KLHL29: variants seen among roughly 807,000 people sequenced by gnomAD.
KLHL29 encodes kelch like family member 29, also known as kelch-like protein 29.
Under a neutral mutation model 80.4 loss-of-function variants are expected in KLHL29, and 21 were observed. That is an observed-to-expected ratio of 0.26 (90% confidence interval 0.19 to 0.38). The LOEUF is 0.38. Among genes scored for constraint, KLHL29 ranks in the 10% least tolerant of loss-of-function variants. KLHL29 has a pLI of 1.00. For synonymous variants in KLHL29, 511 were observed against 526.8 expected, an observed-to-expected ratio of 0.97 and a Z score of 0.41; for missense variants, 867 against 1,223.9, an observed-to-expected ratio of 0.71 and a Z score of 4.35.
chr2:23,397,454 G>C (rs780289723), intron 1 of KLHL29, among the ~76,000 whole-genome samples: 1 of 152,278 alleles, frequency 6.6e-6, no homozygotes, highest in Non-Finnish European at 1.5e-5. Context: ...TGACTGTGAA[G>C]TCACAATTTG....
At chr2:23,437,401 G>A (rs543870763) in intron 1 of KLHL29, among the ~76,000 whole-genome samples, 37 of 152,290 alleles carry the variant, frequency 2.4e-4, no homozygotes, top group African/African-American at 8.4e-4. Context: ...CATCCCTCTT[G>A]CTGGAGAGAC....
rs539253089 is a variant in KLHL29, at chr2:23,476,165, G to A, written c.-46+498G>A. ...GCTGCGATTGTAGGCGTGAGCCACC[G>A]TGCCCCATCAGAGAATCTCTGTGAC... On this transcript the variant is annotated intron_variant, in intron 2 of 13. Transcript: ENST00000486442. Among the ~76,000 whole-genome samples, 17 of 152,058 alleles carry A rather than the reference G, an allele frequency of 1.1e-4. No homozygotes were observed. The South Asian group carries it at 3.3e-3, about 30-fold the overall frequency.
intron 3 of KLHL29, among the ~76,000 whole-genome samples, chr2:23,632,462 C>T (rs915706517): frequency 2.6e-5 from 4 of 152,254 alleles, no homozygotes; most frequent in South Asian, 4.1e-4. Flanking sequence ...GACCTGGCAC[C>T]GTGAAGACCT....
intron 1 of KLHL29, among the ~76,000 whole-genome samples, chr2:23,471,477 C>T (rs760034951): frequency 2.0e-5 from 3 of 152,118 alleles, no homozygotes; most frequent in Non-Finnish European, 4.4e-5. Context: ...TGAAGCTCTC[C>T]AAGCATTTAA....
intron 1 of KLHL29, among the ~76,000 whole-genome samples, chr2:23,389,538 T>C (rs1027073967): frequency 1.3e-5 from 2 of 152,124 alleles, no homozygotes; most frequent in Non-Finnish European, 2.9e-5. Context: ...TTGTGCTGAA[T>C]GAGGATAAAC....
In KLHL29 at chr2:23,670,968, CTCTCTCTCTCT is replaced by C. The variant is rs1670716634; in HGVS notation, c.941-13430_941-13420del. On this transcript the variant is annotated intron_variant, in intron 5 of 13. Transcript: ENST00000486442. The stretch of plus-strand genomic sequence containing the variant: ...TCTCTCTCTCTCTCTCTCTCTCTCT[CTCTCTCTCTCT>C]CCCTCCCTCCCTCCCTCCCTCCCCC... 1.2e-3 allele frequency among the ~76,000 whole-genome samples: 29 copies of C among 24,436 alleles called. 2 individuals are homozygous for C. Among genetic ancestry groups the C allele is most frequent in the East Asian group, 5.3e-3 (1 of 188 alleles). 16.0% of individuals were successfully genotyped at this position (24,436 alleles called of 152,430 possible). A position where few individuals can be genotyped will look rare whatever the true frequency, so the allele number is the denominator to read the frequency against.
chr2:23,544,910 CTTTGGCTT>C (rs1666943159), intron 2 of KLHL29, among the ~76,000 whole-genome samples: 1 of 152,116 alleles, frequency 6.6e-6, no homozygotes, highest in Non-Finnish European at 1.5e-5. Flanking sequence ...AGAAGAAGGC[CTTTGGCTT>C]TTTCTTAGGG....
At chr2:23,587,159 G>A (rs928742346) in intron 3 of KLHL29, among the ~76,000 whole-genome samples, 5 of 151,954 alleles carry the variant, frequency 3.3e-5, no homozygotes, top group Non-Finnish European at 5.9e-5. Flanking sequence ...TCAGCGTGTC[G>A]AGAAGCTCTG....
At chr2:23,663,283 T>C (rs1044216892) in intron 5 of KLHL29, among the ~76,000 whole-genome samples, 6 of 152,186 alleles carry the variant, frequency 3.9e-5, no homozygotes, top group Non-Finnish European at 7.4e-5. Flanking sequence ...CTTGAGTTTA[T>C]TGGGGTTTCC....
intron 5 of KLHL29, among the ~76,000 whole-genome samples, chr2:23,676,731 T>C (rs1204355123): frequency 6.6e-6 from 1 of 152,008 alleles, no homozygotes; most frequent in African/African-American, 2.4e-5. Context: ...ACATTCAAAG[T>C]GAAGGAACAG....
intron 2 of KLHL29, among the ~76,000 whole-genome samples, chr2:23,483,214 C>G (rs1346402972): frequency 6.6e-6 from 1 of 152,138 alleles, no homozygotes; most frequent in Non-Finnish European, 1.5e-5. Context: ...TATTCAGCAA[C>G]TAGCTTAGTT....
At chr2:23,645,613 G>C (rs1418634041) in intron 5 of KLHL29, among the ~76,000 whole-genome samples, 1 of 152,170 alleles carries the variant, frequency 6.6e-6, no homozygotes, top group Non-Finnish European at 1.5e-5. Flanking sequence ...CCTCTCCCGG[G>C]GTTGAGTAAT....
At chr2:23,679,601 C>T (rs1192929515) in intron 5 of KLHL29, among the ~76,000 whole-genome samples, 3 of 142,722 alleles carry the variant, frequency 2.1e-5, no homozygotes, top group Non-Finnish European at 4.8e-5. Flanking sequence ...ATTTGCCATC[C>T]ATCACACCAG....
chr2:23,674,986 G>A (rs1439066742), intron 5 of KLHL29, among the ~76,000 whole-genome samples: 1 of 152,042 alleles, frequency 6.6e-6, no homozygotes, highest in Non-Finnish European at 1.5e-5. Flanking sequence ...TGACTCCCCT[G>A]GATGTTTAAT....
chr2:23,542,536 C>T (rs1666865304), intron 2 of KLHL29, among the ~76,000 whole-genome samples: 1 of 152,238 alleles, frequency 6.6e-6, no homozygotes, highest in South Asian at 2.1e-4. Flanking sequence ...TGCTGAGTCT[C>T]CTACTTTCTG....
intron 1 of KLHL29, among the ~76,000 whole-genome samples, chr2:23,413,719 A>G (rs1666920270): frequency 6.6e-6 from 1 of 152,140 alleles, no homozygotes; most frequent in South Asian, 2.1e-4. Flanking sequence ...TCATTTTCCC[A>G]TTTGTTCCCT....
At chr2:23,487,539 C>T (rs912349516) in intron 2 of KLHL29, among the ~76,000 whole-genome samples, 4 of 152,126 alleles carry the variant, frequency 2.6e-5, no homozygotes, top group Non-Finnish European at 5.9e-5. Context: ...GTTAGCTCTG[C>T]CAAGAGCTCC....
chr2:23,690,499 C>G lies in KLHL29; in HGVS notation c.1080-1175C>G, dbSNP rs3820934. The G allele has an allele frequency of 2.0e-5, 3 of 152,242 alleles. No homozygotes were observed. In the East Asian group the frequency reaches 5.8e-4, roughly 29 times the overall value. The allele number at this position is 152,242 out of a possible 1,614,324, so 9.4% of individuals were successfully genotyped here. ...CCCCACCGCCAGCCGCAGGTGCGCG[C>G]AAGGGACCCGTCACAAGCATCTTGC... On this transcript the variant is annotated intron_variant, in intron 6 of 13. Coordinates refer to ENST00000486442, the MANE Select transcript of KLHL29 (RefSeq NM_052920.2).
At chr2:23,659,136 C>T (rs548550434) in intron 5 of KLHL29, among the ~76,000 whole-genome samples, 3 of 152,286 alleles carry the variant, frequency 2.0e-5, no homozygotes, top group East Asian at 1.9e-4. Context: ...AGGACCCTTG[C>T]TGCCACCTAC....
Sources: allele counts gnomAD v4.1 joint callset (sites outside exome capture counted in the v4.1 genomes callset), GRCh38; gene constraint gnomAD v4.1.1; transcripts MANE v1.5; gene names NCBI Gene and HGNC (gene_info 2026-07-23, HGNC 2026-07-21).